The following SEC63 variants were observed in gnomAD, a reference collection of about 807,000 sequenced individuals.
SEC63 encodes SEC63 protein translocation regulator.
SEC63 carries 56 observed loss-of-function variants against 116.2 expected under a neutral mutation model. That is an observed-to-expected ratio of 0.48 (90% CI 0.39 to 0.60). The LOEUF (loss-of-function observed/expected upper bound fraction) is 0.60, where lower values mean the gene tolerates loss of function less well. Among genes scored for constraint, SEC63 ranks in the 20% least tolerant of loss-of-function variants. The pLI is 0.00. For synonymous variants in SEC63, 273 were observed against 294.6 expected (o/e 0.93, Z 0.75); for missense variants, 668 against 900.0 (o/e 0.74, Z 3.30).
chr6:107,918,516 A>C (rs1424646096), intron 4 of SEC63, among the ~76,000 whole-genome samples: 1 of 151,764 alleles, frequency 6.6e-6, no homozygotes, highest in African/African-American at 2.4e-5. Flanking sequence ...CCAACATAAA[A>C]CCCTGTCTCT....
At chr6:107,884,117 A>ACAAAC (rs1562315109) in intron 16 of SEC63, among the ~76,000 whole-genome samples, 1 of 147,956 alleles carries the variant, frequency 6.8e-6, no homozygotes, top group Non-Finnish European at 1.5e-5. Flanking sequence ...AAACAAACAA[A>ACAAAC]AAAATAGCTG....
At chr6:107,948,443 G>A (rs1388342688) in intron 1 of SEC63, among the ~76,000 whole-genome samples, 2 of 152,110 alleles carry the variant, frequency 1.3e-5, no homozygotes, top group Non-Finnish European at 2.9e-5. Flanking sequence ...AGTGCATTCC[G>A]CACTACCCAC....
chr6:107,916,694 T>C (rs947196112), intron 4 of SEC63, among the ~76,000 whole-genome samples: 1 of 152,256 alleles, frequency 6.6e-6, no homozygotes, highest in African/African-American at 2.4e-5. Flanking sequence ...ATATATCTAA[T>C]GTTTTCACTA....
At chr6:107,886,690 T>G (rs2114413778) in intron 16 of SEC63, among the ~76,000 whole-genome samples, 1 of 68,180 alleles carries the variant, frequency 1.5e-5, no homozygotes, top group East Asian at 3.1e-4. Flanking sequence ...CTTTGCCCAC[T>G]TTTTGATGGA....
chr6:107,874,327 G>T (rs1043082993), intron 19 of SEC63, among the ~76,000 whole-genome samples: 1 of 152,168 alleles, frequency 6.6e-6, no homozygotes, highest in Non-Finnish European at 1.5e-5. Flanking sequence ...GGGCACGGTG[G>T]CTCACGCCTG....
At chr6:107,935,189 G>C (rs1334679782) in intron 1 of SEC63, among the ~76,000 whole-genome samples, 1 of 150,736 alleles carries the variant, frequency 6.6e-6, no homozygotes, top group African/African-American at 2.4e-5. Context: ...CCCCCCGCCC[G>C]GCCAGCCGCC....
At position 107,958,092 on chromosome 6, in the gene SEC63, A is replaced by C; in HGVS notation, c.-83T>G. 6.3e-7 allele frequency: 1 copy of C among 1,585,588 alleles called. No individual in the cohort carries two copies. Among genetic ancestry groups the C allele is most frequent in the South Asian group, 1.1e-5 (1 of 89,842 alleles). On this transcript the variant is annotated 5_prime_UTR_variant, in exon 1 of 21. Coordinates refer to ENST00000369002, the MANE Select transcript of SEC63 (RefSeq NM_007214.5). ...CTCCCGCTCCCAACGCCCCGGCCCG[A>C]GTGGCGTAGCTTGGACACTGCCGCC...
In SEC63 at chr6:107,904,652, A is replaced by G. The variant is rs748496862; in HGVS notation, c.1031T>C (p.Ile344Thr). The change falls in exon 11 of 21, where the codon ATA (isoleucine) becomes ACA (threonine). Residue 344 changes from isoleucine (I) to threonine (T), a missense_variant. By Grantham distance (89) the Ile-to-Thr change is moderately conservative. This residue lies in a region of SEC63 where 430 missense variants were observed against 557.5 expected (regional missense o/e 0.77). Transcript: ENST00000369002. ...QEMVNVICQL[I>T]VMARNREERE... ...ACCTTCACGGTTCCGGGCCATTACT[A>G]TTAGTTGGCAGATTACATTAACCAT... The G allele has an allele frequency of 2.5e-6, 4 of 1,612,848 alleles. No homozygotes were observed. The highest frequency in any genetic ancestry group is 8.5e-7 in the Non-Finnish European group (1 of 1,178,852).
intron 1 of SEC63, among the ~76,000 whole-genome samples, chr6:107,946,054 A>G (rs942245414): frequency 1.3e-5 from 2 of 151,992 alleles, no homozygotes; most frequent in Admixed American, 6.6e-5. Flanking sequence ...CTCCTGCCTC[A>G]GCCTCCCGAG....
At chr6:107,903,451 A>G (rs1399441537) in intron 11 of SEC63, among the ~76,000 whole-genome samples, 1 of 151,960 alleles carries the variant, frequency 6.6e-6, no homozygotes, top group Non-Finnish European at 1.5e-5. Flanking sequence ...CTGTAATCCC[A>G]GGGCTTTGGG....
intron 1 of SEC63, among the ~76,000 whole-genome samples, chr6:107,952,578 T>C (rs1007601393): frequency 6.6e-6 from 1 of 151,788 alleles, no homozygotes; most frequent in African/African-American, 2.4e-5. Context: ...GCCAACATGG[T>C]GAAACTCTGT....
intron 18 of SEC63, among the ~76,000 whole-genome samples, chr6:107,878,074 C>T (rs551972485): frequency 6.6e-6 from 1 of 152,288 alleles, no homozygotes; most frequent in South Asian, 2.1e-4. Context: ...CAAATCTGCC[C>T]TTGCAGCATG....
rs56166744 is a variant in SEC63, at chr6:107,931,486, T to TA, written c.125-1973dup. 2.7e-3 allele frequency among the ~76,000 whole-genome samples: 389 copies of TA among 146,782 alleles called. 4 individuals carry two copies. The highest frequency in any genetic ancestry group is 9.0e-3 in the African/African-American group (360 of 39,786). ...TTGGACTGAAAGACTCTCCCAAGTTTAAAAAAAAAAAAAAATGTATTGGGA... is the reference window on the plus strand; with the variant it reads ...TTGGACTGAAAGACTCTCCCAAGTTTAAAAAAAAAAAAAAAATGTATTGGGA... On this transcript the variant is annotated intron_variant, in intron 1 of 20. Coordinates refer to ENST00000369002, the MANE Select transcript of SEC63 (RefSeq NM_007214.5).
At chr6:107,880,037 AC>A (rs1562313671) in intron 18 of SEC63, among the ~76,000 whole-genome samples, 1 of 152,206 alleles carries the variant, frequency 6.6e-6, no homozygotes, top group African/African-American at 2.4e-5. Flanking sequence ...AATGGAATTT[AC>A]TTGCTTCATT....
intron 13 of SEC63, 40 bp from the exon 14 acceptor site, chr6:107,897,771 T>C: frequency 7.2e-7 from 1 of 1,383,482 alleles, no homozygotes; most frequent in South Asian, 1.2e-5. Context: ...AAAATAAAAA[T>C]CAAGTTCTAT....
intron 1 of SEC63, chr6:107,954,481 T>TAAAAAAAAAAAAAAAAAAA (rs1562345005): frequency 7.2e-4 from 10 of 13,952 alleles, no homozygotes; most frequent in Non-Finnish European, 9.5e-4. Flanking sequence ...AAAAAAAAAA[T>TAAAAAAAAAAAAAAAAAAA]CAAAAAAAAA....
chr6:107,911,434 G>C, intron 6 of SEC63, 38 bp from the exon 7 acceptor site: 1 of 1,415,774 alleles, frequency 7.1e-7, no homozygotes, highest in South Asian at 1.2e-5. Flanking sequence ...GCCTTCGTCA[G>C]GTAAATTAAA....
intron 6 of SEC63, 58 bp downstream of exon 6, chr6:107,912,658 G>T: frequency 1.0e-6 from 1 of 996,602 alleles, no homozygotes; most frequent in South Asian, 1.3e-5. Flanking sequence ...AAGACAGATT[G>T]TACATAACAA....
At chr6:107,947,499 G>A (rs987647346) in intron 1 of SEC63, among the ~76,000 whole-genome samples, 1 of 152,022 alleles carries the variant, frequency 6.6e-6, no homozygotes, top group South Asian at 2.1e-4. Flanking sequence ...CTCAGCCCAG[G>A]AGATTGAGGT....
Sources: gnomAD v4.1 joint callset for allele counts (sites outside exome capture counted in the v4.1 genomes callset) on GRCh38, gnomAD v4.1.1 for gene constraint, gnomAD v4.1.1 regional missense constraint, MANE v1.5 for transcripts, NCBI Gene and HGNC (gene_info 2026-07-23, HGNC 2026-07-21) for gene names.